Variants in CD38 observed in about 807,000 individuals in gnomAD.
CD38 encodes CD38 molecule, also known as ADP-ribosyl cyclase/cyclic ADP-ribose hydrolase 1.
A neutral mutation model predicts 36.3 loss-of-function variants in CD38; 31 were observed. The ratio of observed to expected loss-of-function variants is 0.85; its 90% CI spans 0.64 to 1.15. The LOEUF (loss-of-function observed/expected upper bound fraction) is 1.15, where lower values mean the gene tolerates loss of function less well. CD38 is among the 50% of genes most tolerant of loss of function. The pLI is 0.00. For missense variants in CD38, 380 were observed against 371.9 expected, an observed-to-expected ratio of 1.02 and a Z score of -0.18; for synonymous variants, 131 against 135.2, an observed-to-expected ratio of 0.97 and a Z score of 0.22.
chr4:15,831,656 G>T (rs1723961249), intron 3 of CD38, among the ~76,000 whole-genome samples: 2 of 152,070 alleles, frequency 1.3e-5, no homozygotes, highest in African/African-American at 2.4e-5. Flanking sequence ...GCTGCCAGAT[G>T]TACTGAAACT....
intron 3 of CD38, chr4:15,825,831 C>T (rs967194484): frequency 3.9e-5 from 6 of 152,190 alleles, no homozygotes; most frequent in African/African-American, 1.4e-4. Context: ...CTGGACTCTT[C>T]CATCTCAGGC....
At chr4:15,798,542 G>C (rs1310316132) in intron 1 of CD38, among the ~76,000 whole-genome samples, 1 of 152,208 alleles carries the variant, frequency 6.6e-6, no homozygotes, top group Non-Finnish European at 1.5e-5. Flanking sequence ...CTTGAGAAGT[G>C]AGAATTTGAT....
Position 15,800,333 on chromosome 4 carries a change from A to T in CD38, c.234-16178A>T, listed in dbSNP as rs139851556. ...AGTGAACACCCAGAAATAGAATAGCAGAGCCATATGGTACATAAGTTGATT... is the reference window on the plus strand; with the variant it reads ...AGTGAACACCCAGAAATAGAATAGCTGAGCCATATGGTACATAAGTTGATT... On this transcript the variant is annotated intron_variant, in intron 1 of 7. Transcript: ENST00000226279. Among the ~76,000 whole-genome samples the T allele has an allele frequency of 7.2e-3, 1,097 of 152,320 alleles. 17 individuals carry two copies. Among genetic ancestry groups the T allele is most frequent in the African/African-American group, 0.025 (1,038 of 41,560 alleles).
At chr4:15,792,525 A>G (rs898484864) in intron 1 of CD38, among the ~76,000 whole-genome samples, 2 of 152,008 alleles carry the variant, frequency 1.3e-5, no homozygotes, top group African/African-American at 4.8e-5. Flanking sequence ...TCTTATGGAA[A>G]ATTTCAAAGA....
intron 1 of CD38, among the ~76,000 whole-genome samples, chr4:15,790,748 C>T (rs574206806): frequency 8.3e-4 from 126 of 151,210 alleles, no homozygotes; most frequent in African/African-American, 3.0e-3. Context: ...TCTTCCCCGC[C>T]GCCATCCCAT....
intron 7 of CD38, among the ~76,000 whole-genome samples, chr4:15,841,148 T>C (rs1724196782): frequency 6.6e-6 from 1 of 152,232 alleles, no homozygotes; most frequent in Non-Finnish European, 1.5e-5. Flanking sequence ...AATTCTAGTT[T>C]CAAAACTGAG....
At chr4:15,785,055 TA>T (rs11373711) in intron 1 of CD38, among the ~76,000 whole-genome samples, 18 of 147,218 alleles carry the variant, frequency 1.2e-4, no homozygotes, top group East Asian at 2.0e-4. Context: ...GACTCTGTCT[TA>T]AAAAAAAAAA....
At chr4:15,789,967 A>C (rs528936537) in intron 1 of CD38, among the ~76,000 whole-genome samples, 1 of 152,310 alleles carries the variant, frequency 6.6e-6, no homozygotes, top group Admixed American at 6.5e-5. Flanking sequence ...AAAATGACTA[A>C]AACAGGAGGC....
intron 1 of CD38, among the ~76,000 whole-genome samples, chr4:15,808,192 G>A (rs975336811): frequency 2.6e-5 from 4 of 152,202 alleles, no homozygotes; most frequent in African/African-American, 9.7e-5. Flanking sequence ...TGTTTGGGGA[G>A]AAAGCTCTAT....
chr4:15,803,544 G>A (rs1031669516), intron 1 of CD38, among the ~76,000 whole-genome samples: 1 of 152,124 alleles, frequency 6.6e-6, no homozygotes, highest in Non-Finnish European at 1.5e-5. Flanking sequence ...CTAATGATTA[G>A]GGAAATGCAA....
At chr4:15,782,579 A>T (rs1338475488) in intron 1 of CD38, among the ~76,000 whole-genome samples, 2 of 152,236 alleles carry the variant, frequency 1.3e-5, no homozygotes, top group Non-Finnish European at 2.9e-5. Context: ...AGCTGAATTA[A>T]ATGAATGGTA....
At chr4:15,835,363 C>CTTTTTT (rs35143834) in intron 4 of CD38, among the ~76,000 whole-genome samples, 12 of 57,710 alleles carry the variant, frequency 2.1e-4, no homozygotes, top group Non-Finnish European at 3.2e-4. Context: ...GACAGGAATA[C>CTTTTTT]TTTTTTTTTT....
In CD38 at chr4:15,816,645, T is replaced by C. The variant is rs766870428; in HGVS notation, c.363+5T>C. ...CAGACCGTACCTTGCAACAAGGTAATTGGGGGCATGCCATTGATTTTAAAA... is the reference window on the plus strand; with the variant it reads ...CAGACCGTACCTTGCAACAAGGTAACTGGGGGCATGCCATTGATTTTAAAA... On this transcript the variant is annotated splice_donor_5th_base_variant and intron_variant, in intron 2 of 7. Coordinates refer to ENST00000226279, the MANE Select transcript of CD38 (RefSeq NM_001775.4). The C allele has an allele frequency of 9.9e-5, 159 of 1,613,232 alleles. No individual in the cohort carries two copies. The highest frequency in any genetic ancestry group is 1.3e-4 in the Admixed American group (8 of 59,954).
intron 1 of CD38, among the ~76,000 whole-genome samples, chr4:15,799,158 T>C (rs1723162727): frequency 6.6e-6 from 1 of 152,252 alleles, no homozygotes; most frequent in African/African-American, 2.4e-5. Flanking sequence ...CATAGTTAGA[T>C]CTTTGATCCA....
intron 1 of CD38, among the ~76,000 whole-genome samples, chr4:15,795,748 C>T (rs948395682): frequency 1.3e-5 from 2 of 152,096 alleles, no homozygotes; most frequent in Admixed American, 6.5e-5. Context: ...CAGTTGTCTA[C>T]TCCCTGCTAG....
At chr4:15,819,363 A>G (rs1723682862) in intron 2 of CD38, among the ~76,000 whole-genome samples, 1 of 151,954 alleles carries the variant, frequency 6.6e-6, no homozygotes. Flanking sequence ...CATTTACCCA[A>G]TGTTAAAAAA....
At chr4:15,807,837 C>T (rs1355818074) in intron 1 of CD38, among the ~76,000 whole-genome samples, 1 of 152,176 alleles carries the variant, frequency 6.6e-6, no homozygotes, top group African/African-American at 2.4e-5. Flanking sequence ...TTTCTGAAAA[C>T]TAAATCCAGA....
At chr4:15,810,076 A>G (rs1380168674) in intron 1 of CD38, among the ~76,000 whole-genome samples, 1 of 152,240 alleles carries the variant, frequency 6.6e-6, no homozygotes, top group Non-Finnish European at 1.5e-5. Context: ...TAGAAAGGGC[A>G]GAGAGTTAAG....
At chr4:15,834,449 T>C (rs2286552) in intron 4 of CD38, 147 bp downstream of exon 4, 32,781 of 614,370 alleles carry the variant, frequency 0.053, 1,344 homozygotes, top group East Asian at 0.16. Context: ...AAGGTTCAGA[T>C]GCACATGCCA....
Sources: allele counts gnomAD v4.1 joint callset (sites outside exome capture counted in the v4.1 genomes callset), GRCh38; gene constraint gnomAD v4.1.1; transcripts MANE v1.5; gene names NCBI Gene and HGNC (gene_info 2026-07-23, HGNC 2026-07-21).